TMEM135: variants seen among roughly 807,000 people sequenced by gnomAD.
The protein encoded by TMEM135 is transmembrane protein 135, also known as peroxisomal membrane protein 52.
A neutral mutation model predicts 60.3 loss-of-function variants in TMEM135; 30 were observed. That is an observed-to-expected ratio of 0.50 (90% CI 0.37 to 0.68). The LOEUF (loss-of-function observed/expected upper bound fraction) is 0.68. Among genes scored for constraint, TMEM135 ranks in the 30% least tolerant of loss-of-function variants. The pLI, the probability that TMEM135 is intolerant of heterozygous loss-of-function variation, is 0.00. For missense variants in TMEM135, 468 were observed against 548.8 expected, an observed-to-expected ratio of 0.85 and a Z score of 1.47; for synonymous variants, 190 against 186.7, an observed-to-expected ratio of 1.02 and a Z score of -0.14.
At chr11:87,306,724 T>C (rs1379243271) in intron 9 of TMEM135, among the ~76,000 whole-genome samples, 2 of 152,118 alleles carry the variant, frequency 1.3e-5, no homozygotes, top group African/African-American at 4.8e-5. Flanking sequence ...AGTTTTTTTT[T>C]CTTTTTTTGT....
intron 6 of TMEM135, among the ~76,000 whole-genome samples, chr11:87,261,080 C>A (rs1239749721): frequency 6.6e-6 from 1 of 152,170 alleles, no homozygotes; most frequent in Non-Finnish European, 1.5e-5. Flanking sequence ...TCTTGGCAAC[C>A]TATTCTAGTA....
intron 1 of TMEM135, among the ~76,000 whole-genome samples, chr11:87,040,800 A>G (rs572330194): frequency 1.3e-5 from 2 of 152,032 alleles, no homozygotes; most frequent in South Asian, 2.1e-4. Flanking sequence ...TGTATCACAT[A>G]TTTTCTAGTT....
intron 7 of TMEM135, among the ~76,000 whole-genome samples, chr11:87,300,818 A>G (rs542332288): frequency 1.3e-5 from 2 of 152,338 alleles, no homozygotes; most frequent in East Asian, 3.9e-4. Context: ...CTGGCAGTTC[A>G]TTGGGCTCTC....
chr11:87,289,294 G>A (rs948547305), intron 6 of TMEM135, among the ~76,000 whole-genome samples: 5 of 151,804 alleles, frequency 3.3e-5, no homozygotes, highest in African/African-American at 1.2e-4. Flanking sequence ...TCTTTGTATT[G>A]GGAATATTCA....
At chr11:87,071,672 T>G in intron 3 of TMEM135, 57 bp downstream of exon 3, 2 of 1,334,978 alleles carry the variant, frequency 1.5e-6, no homozygotes, top group Non-Finnish European at 2.0e-6. Flanking sequence ...ACCCCAACTA[T>G]AATTTTTTTT....
intron 5 of TMEM135, among the ~76,000 whole-genome samples, chr11:87,159,591 G>GCACACACACACACACACA (rs757338413): frequency 3.7e-5 from 3 of 81,376 alleles, no homozygotes; most frequent in African/African-American, 1.5e-4. Context: ...ATACACACAC[G>GCACACACACACACACACA]CGCACACACA....
At chr11:87,169,119 C>T (rs1190049538) in intron 5 of TMEM135, among the ~76,000 whole-genome samples, 1 of 151,606 alleles carries the variant, frequency 6.6e-6, no homozygotes, top group Non-Finnish European at 1.5e-5. Context: ...ACTAGGATTG[C>T]AAACCTTGCT....
At chr11:87,220,025 A>C (rs1234227272) in intron 5 of TMEM135, among the ~76,000 whole-genome samples, 1 of 152,232 alleles carries the variant, frequency 6.6e-6, no homozygotes, top group Non-Finnish European at 1.5e-5. Flanking sequence ...TTTTTGAAGC[A>C]GAGTAATTAG....
intron 5 of TMEM135, among the ~76,000 whole-genome samples, chr11:87,182,538 A>C (rs1189755094): frequency 6.6e-6 from 1 of 152,152 alleles, no homozygotes; most frequent in South Asian, 2.1e-4. Flanking sequence ...GTATATGGCA[A>C]ATGCAATTTC....
chr11:87,228,137 A>G (rs982118436), intron 5 of TMEM135, among the ~76,000 whole-genome samples: 4 of 152,150 alleles, frequency 2.6e-5, no homozygotes, highest in African/African-American at 9.7e-5. Context: ...CTTCTATCCT[A>G]TTGTGTTCTA....
intron 5 of TMEM135, among the ~76,000 whole-genome samples, chr11:87,222,097 G>A (rs1415379697): frequency 6.7e-6 from 1 of 148,506 alleles, no homozygotes; most frequent in African/African-American, 2.5e-5. Context: ...CAGGAGAATG[G>A]CGTGAACCCG....
chr11:87,099,208 T>C lies in TMEM135; in HGVS notation c.396+7813T>C, dbSNP rs1857398110. On this transcript the variant is annotated intron_variant, in intron 4 of 14. Coordinates refer to ENST00000305494, the MANE Select transcript of TMEM135 (RefSeq NM_022918.4). ...ATTTGAAAATTATAAGTAAACTTAC[T>C]AAAACTTTTGTGTGTTGTCTGCTTT... is the stretch of plus-strand genomic sequence containing the variant. Among the ~76,000 whole-genome samples the C allele has an allele frequency of 2.0e-5, 3 of 152,310 alleles. No individual in the cohort carries two copies. The South Asian group carries it at 6.2e-4, about 32-fold the overall frequency.
At chr11:87,120,476 T>C (rs1196003362) in intron 4 of TMEM135, among the ~76,000 whole-genome samples, 3 of 142,764 alleles carry the variant, frequency 2.1e-5, no homozygotes, top group Non-Finnish European at 4.6e-5. Context: ...AAATTTCTTT[T>C]TTTTTTTTTT....
At chr11:87,256,101 CT>C (rs1262405322) in intron 6 of TMEM135, among the ~76,000 whole-genome samples, 1 of 152,098 alleles carries the variant, frequency 6.6e-6, no homozygotes, top group Admixed American at 6.6e-5. Context: ...TTAGGACAAC[CT>C]TTTAATGGAT....
At chr11:87,253,129 C>G (rs1941453045) in intron 6 of TMEM135, among the ~76,000 whole-genome samples, 1 of 151,992 alleles carries the variant, frequency 6.6e-6, no homozygotes, top group African/African-American at 2.4e-5. Context: ...AAAAAATTAG[C>G]CTGCTCATTT....
chr11:87,077,365 T>G (rs1289198393), intron 3 of TMEM135, among the ~76,000 whole-genome samples: 1 of 152,264 alleles, frequency 6.6e-6, no homozygotes, highest in Non-Finnish European at 1.5e-5. Flanking sequence ...ACTATATGGA[T>G]GTACCAGAGT....
At chr11:87,231,332 A>T (rs548559217) in intron 5 of TMEM135, among the ~76,000 whole-genome samples, 9 of 152,290 alleles carry the variant, frequency 5.9e-5, no homozygotes, top group African/African-American at 2.2e-4. Flanking sequence ...AGTAGTTAGC[A>T]CTCAAACAGG....
In TMEM135 at chr11:87,327,371, G is replaced by C. The variant is rs995544414; in HGVS notation, c.*6038G>C. The C allele has an allele frequency of 2.2e-6, 1 of 453,720 alleles. No homozygotes were observed. The highest frequency in any genetic ancestry group is 2.0e-5 in the African/African-American group (1 of 49,924). 28.1% of individuals were successfully genotyped at this position (453,720 alleles called of 1,614,324 possible). A position where few individuals can be genotyped will look rare whatever the true frequency, so the allele number is the denominator to read the frequency against. The stretch of plus-strand genomic sequence containing the variant: ...AAAAACCAGCATATTAAAGATGCCA[G>C]GTCAGAAAAATAGAAAGAACCTGCT... On this transcript the variant is annotated 3_prime_UTR_variant, in exon 15 of 15. Transcript: ENST00000305494.
At chr11:87,182,002 G>A (rs564770219) in intron 5 of TMEM135, among the ~76,000 whole-genome samples, 13 of 150,978 alleles carry the variant, frequency 8.6e-5, no homozygotes, top group African/African-American at 1.5e-4. Context: ...TATTTGAAAT[G>A]AGAGTAAGCC....
Sources: gnomAD v4.1 joint callset for allele counts (sites outside exome capture counted in the v4.1 genomes callset) on GRCh38, gnomAD v4.1.1 for gene constraint, MANE v1.5 for transcripts, NCBI Gene and HGNC (gene_info 2026-07-23, HGNC 2026-07-21) for gene names.